HS6ST2: variants seen among roughly 807,000 people sequenced by gnomAD.
HS6ST2 encodes the protein heparan sulfate 6-O-sulfotransferase 2, also known as heparan-sulfate 6-O-sulfotransferase 2.
A neutral mutation model predicts 33.0 loss-of-function variants in HS6ST2; 17 were observed. The observed-to-expected ratio is 0.52, with a 90% CI of 0.35 to 0.77. The LOEUF is 0.77. Among genes scored for constraint, HS6ST2 ranks in the 30% least tolerant of loss-of-function variants. HS6ST2 has a pLI of 0.01. For synonymous variants in HS6ST2, 248 were observed against 237.1 expected (o/e 1.05, Z -0.42); for missense variants, 519 against 551.7 (o/e 0.94, Z 0.59).
intron 2 of HS6ST2, among the ~76,000 whole-genome samples, chrX:132,881,964 G>A (rs766680738): frequency 2.4e-3 from 269 of 111,178 alleles, no homozygotes; most frequent in African/African-American, 8.4e-3. Context: ...TGAGGGCCCT[G>A]TTCTGTTCCA....
intron 2 of HS6ST2, among the ~76,000 whole-genome samples, chrX:132,923,752 C>T (rs977583918): frequency 9.0e-6 from 1 of 110,789 alleles, no homozygotes; most frequent in African/African-American, 3.3e-5. Flanking sequence ...CTAGAGCCAC[C>T]GAGCTGAGCA....
intron 2 of HS6ST2, among the ~76,000 whole-genome samples, chrX:132,891,978 T>C (rs1289574760): frequency 1.8e-5 from 2 of 111,797 alleles, no homozygotes; most frequent in East Asian, 2.8e-4. Flanking sequence ...TCCACAATGG[T>C]TGAACTAGTT....
At chrX:132,885,172 G>T (rs886091725) in intron 2 of HS6ST2, among the ~76,000 whole-genome samples, 1 of 111,607 alleles carries the variant, frequency 9.0e-6, no homozygotes, top group Non-Finnish European at 1.9e-5. Context: ...CTATTATTCA[G>T]CAATGAAAAG....
intron 2 of HS6ST2, among the ~76,000 whole-genome samples, chrX:132,844,652 A>C (rs1193231304): frequency 1.8e-5 from 2 of 110,969 alleles, no homozygotes; most frequent in Non-Finnish European, 3.8e-5. Context: ...GCCCCCTCCC[A>C]ACACCACAGG....
At chrX:132,760,537 T>C (rs1232259251) in intron 2 of HS6ST2, among the ~76,000 whole-genome samples, 1 of 112,149 alleles carries the variant, frequency 8.9e-6, no homozygotes, top group Non-Finnish European at 1.9e-5. Context: ...ATTAAACTTC[T>C]TCCCTTTATA....
chrX:132,755,536 C>T (rs1449123390), intron 2 of HS6ST2, among the ~76,000 whole-genome samples: 1 of 110,140 alleles, frequency 9.1e-6, no homozygotes, highest in Non-Finnish European at 1.9e-5. Context: ...AAATATGGCC[C>T]ACAGGATGGC....
intron 2 of HS6ST2, among the ~76,000 whole-genome samples, chrX:132,731,887 A>G (rs1326845028): frequency 9.0e-6 from 1 of 110,606 alleles, no homozygotes; most frequent in East Asian, 2.9e-4. Context: ...GGAAGCCAGC[A>G]CACTCCGTGG....
At chrX:132,720,752 C>CA (rs1324557110) in intron 2 of HS6ST2, among the ~76,000 whole-genome samples, 2,685 of 84,894 alleles carry the variant, frequency 0.032, 71 homozygotes, top group African/African-American at 0.1. Context: ...CAATGGAAAC[C>CA]AAAAAAAAAA....
At chrX:132,696,828 T>C (rs1438312684) in intron 3 of HS6ST2, among the ~76,000 whole-genome samples, 1 of 111,979 alleles carries the variant, frequency 8.9e-6, no homozygotes, top group Non-Finnish European at 1.9e-5. Context: ...GTGGGATTAT[T>C]AGGAAATATC....
chrX:132,909,356 G>T (rs1465074783), intron 2 of HS6ST2, among the ~76,000 whole-genome samples: 1 of 111,975 alleles, frequency 8.9e-6, no homozygotes, highest in Admixed American at 9.5e-5. Context: ...TTTTTCAACT[G>T]TCAGCTCCAC....
intron 2 of HS6ST2, among the ~76,000 whole-genome samples, chrX:132,730,749 C>T (rs1286698182): frequency 4.5e-5 from 5 of 112,280 alleles, no homozygotes; most frequent in Non-Finnish European, 9.4e-5. Context: ...GAGCTAATCC[C>T]TGTGCCACCA....
At chrX:132,769,746 G>T (rs765594839) in intron 2 of HS6ST2, among the ~76,000 whole-genome samples, 7 of 112,203 alleles carry the variant, frequency 6.2e-5, no homozygotes, top group Non-Finnish European at 1.3e-4. Flanking sequence ...TGAGGTAGGC[G>T]CAAAAGCGGA....
chrX:132,916,643 T>C (rs749507412), intron 2 of HS6ST2, among the ~76,000 whole-genome samples: 4 of 112,261 alleles, frequency 3.6e-5, no homozygotes, highest in African/African-American at 1.3e-4. Flanking sequence ...CTTCCTAGTC[T>C]TCCAGCTTTC....
chrX:132,915,788 G>C (rs1398701496), intron 2 of HS6ST2, among the ~76,000 whole-genome samples: 2 of 108,231 alleles, frequency 1.8e-5, no homozygotes, highest in Non-Finnish European at 3.8e-5. Flanking sequence ...GAGTGCAATG[G>C]TGCAATCTCA....
At chrX:132,961,119 G>C (rs1255927405), upstream of HS6ST2, 1 of 83,954 alleles carries the variant, frequency 1.2e-5, no homozygotes, top group Non-Finnish European at 2.3e-5. Context: ...GGAAAGACTG[G>C]GGGTAGGAGG....
At chrX:132,855,067 T>C (rs1257406148) in intron 2 of HS6ST2, among the ~76,000 whole-genome samples, 3 of 112,382 alleles carry the variant, frequency 2.7e-5, no homozygotes, top group Non-Finnish European at 3.8e-5. Flanking sequence ...AATGTCCATG[T>C]GGGAAAAGTT....
intron 2 of HS6ST2, among the ~76,000 whole-genome samples, chrX:132,749,121 C>T (rs983338657): frequency 3.7e-4 from 42 of 112,238 alleles, no homozygotes; most frequent in African/African-American, 1.3e-3. Flanking sequence ...TCCTGACCCT[C>T]TCCCCTCACA....
At chrX:132,960,427 G>A (rs1282902588), upstream of HS6ST2, among the ~76,000 whole-genome samples, 1 of 111,140 alleles carries the variant, frequency 9.0e-6, no homozygotes, top group Non-Finnish European at 1.9e-5. Context: ...TGGGTCCCTA[G>A]GAAAATATTT....
intron 2 of HS6ST2, among the ~76,000 whole-genome samples, chrX:132,935,571 C>G (rs997972202): frequency 9.0e-6 from 1 of 111,385 alleles, no homozygotes; most frequent in African/African-American, 3.3e-5. Context: ...CGCCATGTTG[C>G]CCAGACTGGT....
Sources: allele counts gnomAD v4.1 joint callset (sites outside exome capture counted in the v4.1 genomes callset), GRCh38; gene constraint gnomAD v4.1.1; transcripts MANE v1.5; gene names NCBI Gene and HGNC (gene_info 2026-07-23, HGNC 2026-07-21).